GAN: variants seen among roughly 807,000 people sequenced by gnomAD.
GAN encodes the protein epididymis secretory sperm binding protein.
Under a neutral mutation model 71.3 loss-of-function variants are expected in GAN, and 48 were observed. The observed-to-expected ratio is 0.67, with a 90% CI of 0.53 to 0.86. The LOEUF (loss-of-function observed/expected upper bound fraction) is 0.86, where lower values mean the gene tolerates loss of function less well. Among genes scored for constraint, GAN ranks in the 40% least tolerant of loss-of-function variants. The probability of loss-of-function intolerance (pLI) is 0.00; values close to 1 mark genes in which losing one functional copy is unlikely to be tolerated. For synonymous variants in GAN, 386 were observed against 276.8 expected, an observed-to-expected ratio of 1.39 and a Z score of -3.92; for missense variants, 928 against 770.1, an observed-to-expected ratio of 1.21 and a Z score of -2.43.
chr16:81,323,540 G>A (rs2150668029), intron 1 of GAN, among the ~76,000 whole-genome samples: 1 of 152,284 alleles, frequency 6.6e-6, no homozygotes, highest in East Asian at 1.9e-4. Context: ...ATAATAGATT[G>A]CAGTTCAAGA....
chr16:81,340,907 C>G lies in GAN; in HGVS notation c.168-10676C>G, dbSNP rs137937094. Among the ~76,000 whole-genome samples, 58 of 151,952 alleles carry G rather than the reference C, an allele frequency of 3.8e-4. 1 individual carries two copies. In the East Asian group the frequency reaches 0.01, roughly 27 times the overall value. On this transcript the variant is annotated intron_variant, in intron 1 of 10. Transcript: ENST00000648994. ...CGAAAAGCGTTCAAAAAGGGTTAGA[C>G]AAATGGCTAACTAGAATAACCAGTG... is the stretch of plus-strand genomic sequence containing the variant.
intron 1 of GAN, among the ~76,000 whole-genome samples, chr16:81,326,129 C>CCAGT (rs763647183): frequency 2.0e-5 from 3 of 152,144 alleles, no homozygotes; most frequent in Non-Finnish European, 2.9e-5. Context: ...GTGTGGAAAA[C>CCAGT]CAGTAGACAT....
Position 81,377,529 on chromosome 16 carries a change from C to T in GAN, c.1727C>T (p.Ala576Val), listed in dbSNP as rs537289482. 2.5e-6 allele frequency: 4 copies of T among 1,614,148 alleles called. No individual in the cohort carries two copies. The highest frequency in any genetic ancestry group is 1.7e-5 in the Admixed American group (1 of 60,030). ...RRTGCAALRI[A>V]NCKLFRLQLQ... ...ACAGGATGTGCAGCCTTACGCATTG[C>T]GAATTGCAAGCTTTTCCGCCTGCAG... Residue 576 changes from alanine to valine, a missense_variant, in exon 11 of 11, where the codon GCG becomes GTG. Transcript: ENST00000648994.
At chr16:81,330,041 C>G (rs1909521325) in intron 1 of GAN, among the ~76,000 whole-genome samples, 1 of 152,180 alleles carries the variant, frequency 6.6e-6, no homozygotes, top group African/African-American at 2.4e-5. Flanking sequence ...CTCTCAGCAT[C>G]TAATTGATGC....
chr16:81,326,569 A>T (rs987548659), intron 1 of GAN, among the ~76,000 whole-genome samples: 2 of 152,222 alleles, frequency 1.3e-5, no homozygotes, highest in South Asian at 4.1e-4. Flanking sequence ...TGTGATATGT[A>T]TGTACAGTCA....
At chr16:81,352,680 C>G (rs935518893) in intron 2 of GAN, among the ~76,000 whole-genome samples, 6 of 152,124 alleles carry the variant, frequency 3.9e-5, no homozygotes, top group African/African-American at 7.2e-5. Context: ...CGCAGTGATT[C>G]TCATCCTTTT....
At chr16:81,338,522 T>C (rs1909840041) in intron 1 of GAN, among the ~76,000 whole-genome samples, 1 of 152,014 alleles carries the variant, frequency 6.6e-6, no homozygotes, top group Non-Finnish European at 1.5e-5. Flanking sequence ...GATGAGAAAA[T>C]TCTAGATAAA....
chr16:81,341,127 AG>A (rs1909927900), intron 1 of GAN, among the ~76,000 whole-genome samples: 1 of 152,182 alleles, frequency 6.6e-6, no homozygotes, highest in Non-Finnish European at 1.5e-5. Context: ...AAAGCCTTCA[AG>A]AAATATGGGA....
chr16:81,315,392 T>G, intron 1 of GAN, 112 bp downstream of exon 1: 1 of 682,164 alleles, frequency 1.5e-6, no homozygotes, highest in Non-Finnish European at 2.0e-6. Flanking sequence ...GGCGCCGGGG[T>G]CCCCGCGTCA....
chr16:81,325,419 TTG>T (rs1257419394), intron 1 of GAN, among the ~76,000 whole-genome samples: 4 of 152,138 alleles, frequency 2.6e-5, no homozygotes, highest in Non-Finnish European at 5.9e-5. Flanking sequence ...AACATCAGGC[TTG>T]TGTTTGGGGT....
intron 1 of GAN, among the ~76,000 whole-genome samples, chr16:81,317,253 C>T (rs1228704250): frequency 1.3e-5 from 2 of 152,240 alleles, no homozygotes; most frequent in East Asian, 3.8e-4. Flanking sequence ...CTTTCTACCA[C>T]AGCAAATGTG....
chr16:81,371,883 G>T (rs1020382288), intron 9 of GAN: 1 of 152,206 alleles, frequency 6.6e-6, no homozygotes, highest in Admixed American at 6.5e-5. Flanking sequence ...CTTTTCTTCA[G>T]TTTCCAGAGT....
At chr16:81,345,791 A>G (rs1459446937) in intron 1 of GAN, among the ~76,000 whole-genome samples, 4 of 152,202 alleles carry the variant, frequency 2.6e-5, no homozygotes, top group African/African-American at 7.2e-5. Flanking sequence ...CTGATAGCCT[A>G]GTTTCCCCCA....
At chr16:81,352,753 C>T (rs559559294) in intron 2 of GAN, among the ~76,000 whole-genome samples, 7 of 152,178 alleles carry the variant, frequency 4.6e-5, no homozygotes, top group South Asian at 2.1e-4. Context: ...TGGGTGTGTA[C>T]GTGTATGATT....
rs1904287647 is a variant in GAN, at chr16:81,377,914, C to T, written c.*318C>T. ...CATGTAAAATATCAAAGTTAAAATA[C>T]TAAGGTGCATTTTCCCTGAAGGGAA... On this transcript the variant is annotated 3_prime_UTR_variant, in exon 11 of 11. Transcript: ENST00000648994. The T allele has an allele frequency of 1.3e-5, 5 of 386,582 alleles. No homozygotes were observed. The highest frequency in any genetic ancestry group is 2.4e-5 in the Non-Finnish European group (5 of 206,462). 23.9% of individuals were successfully genotyped at this position (386,582 alleles called of 1,614,324 possible). A position where few individuals can be genotyped will look rare whatever the true frequency, so the allele number is the denominator to read the frequency against.
intron 9 of GAN, among the ~76,000 whole-genome samples, chr16:81,374,230 G>A (rs530110009): frequency 5.9e-5 from 9 of 152,286 alleles, no homozygotes; most frequent in Non-Finnish European, 4.4e-5. Context: ...GGGAGAACAC[G>A]TTGATGTGCC....
rs200507321 is a variant in GAN, at chr16:81,363,825, A to T, written c.1118A>T (p.Asp373Val). Reference protein sequence around the residue: ...ARHNFGIVEIDGMLYILGGED... With the variant: ...ARHNFGIVEIVGMLYILGGED... ...CATAACTTCGGAATTGTGGAGATAG[A>T]TGGGATGCTGTACATTTTGGGAGGA... The change falls in exon 7 of 11, where the codon GAT (aspartate) becomes GTT (valine). Residue 373 changes from aspartate to valine, a missense_variant. Physicochemically the swap from Asp to Val is radical, Grantham distance 152. Coordinates refer to ENST00000648994, the MANE Select transcript of GAN (RefSeq NM_022041.4). 5 of 1,613,316 alleles carry T rather than the reference A, an allele frequency of 3.1e-6. No homozygotes were observed. The highest frequency in any genetic ancestry group is 4.2e-6 in the Non-Finnish European group (5 of 1,179,270).
chr16:81,336,772 C>T (rs1909777014), intron 1 of GAN, among the ~76,000 whole-genome samples: 1 of 152,090 alleles, frequency 6.6e-6, no homozygotes, highest in African/African-American at 2.4e-5. Flanking sequence ...GCCACCATGC[C>T]AGAAGCTTTA....
Position 81,357,924 on chromosome 16 carries a change from C to T in GAN, c.966C>T (p.Leu322=). Residue 322 remains leucine (L), a synonymous_variant, in exon 5 of 11, where the codon CTC becomes CTT. Coordinates refer to ENST00000648994, the MANE Select transcript of GAN (RefSeq NM_022041.4). ...LSMPRINHGV[L]SAEGFLFVFG... is the part of the protein sequence containing the mutation. ...TGCCGAGAATTAACCATGGAGTTCT[C>T]TCAGCAGGTACCGTTCTGTGGCAAA... 2 of 1,613,758 alleles carry T rather than the reference C, an allele frequency of 1.2e-6. No homozygotes were observed. Among genetic ancestry groups the T allele is most frequent in the Non-Finnish European group, 1.7e-6 (2 of 1,179,724 alleles).
Sources: gnomAD v4.1 joint callset for allele counts (sites outside exome capture counted in the v4.1 genomes callset) on GRCh38, gnomAD v4.1.1 for gene constraint, MANE v1.5 for transcripts, NCBI Gene and HGNC (gene_info 2026-07-23, HGNC 2026-07-21) for gene names.